Variants in DLC1 observed in about 807,000 individuals in gnomAD.
DLC1 encodes DLC1 Rho GTPase activating protein, also known as rho GTPase-activating protein 7.
A neutral mutation model predicts 140.3 loss-of-function variants in DLC1; 54 were observed. That is an observed-to-expected ratio of 0.38 (90% CI 0.31 to 0.48). The LOEUF (loss-of-function observed/expected upper bound fraction) is 0.48, where lower values mean the gene tolerates loss of function less well. DLC1 is among the 20% of genes least tolerant of loss of function. The pLI is 0.96. For synonymous variants in DLC1, 986 were observed against 728.1 expected (o/e 1.35, Z -5.70); for missense variants, 2,536 against 1,907.0 (o/e 1.33, Z -6.14).
intron 4 of DLC1, among the ~76,000 whole-genome samples, chr8:13,377,832 TG>T (rs1836069649): frequency 6.6e-6 from 1 of 152,006 alleles, no homozygotes; most frequent in South Asian, 2.1e-4. Context: ...GTAAATCTAT[TG>T]GCCTCCTATT....
chr8:13,304,612 G>C (rs749224685), intron 5 of DLC1: 49 of 857,648 alleles, frequency 5.7e-5, no homozygotes, highest in Admixed American at 6.2e-5. Flanking sequence ...TGTACTTCAA[G>C]TTAGATAATA....
At chr8:13,417,114 C>A (rs1361766847) in intron 2 of DLC1, among the ~76,000 whole-genome samples, 2 of 152,070 alleles carry the variant, frequency 1.3e-5, no homozygotes, top group African/African-American at 4.8e-5. Flanking sequence ...TTAAATAGAT[C>A]AAGCTGTACT....
At chr8:13,100,909 T>G (rs1027054813) in intron 8 of DLC1, 139 bp from the exon 9 acceptor site, 1 of 811,188 alleles carries the variant, frequency 1.2e-6, no homozygotes, top group Non-Finnish European at 1.7e-6. Context: ...TTAAAGTTTT[T>G]TTTTTTTTTT....
Position 13,120,350 on chromosome 8 carries a change from A to ATATAT in DLC1, c.1349-4694_1349-4693insATATA, listed in dbSNP as rs1164218408. On this transcript the variant is annotated intron_variant, in intron 5 of 17. Coordinates refer to ENST00000276297, the MANE Select transcript of DLC1 (RefSeq NM_182643.3). Reference sequence around the variant, plus strand: ...AGAAAGAGACTCCGTCGCAAAAAAAAAAAAAAATATATATATATATAAAAT... The same window carrying ATATAT: ...AGAAAGAGACTCCGTCGCAAAAAAAATATATAAAAAAATATATATATATATAAAAT... Among the ~76,000 whole-genome samples, 9 of 15,148 alleles carry ATATAT rather than the reference A, an allele frequency of 5.9e-4. No individual in the cohort carries two copies. The South Asian group carries it at 0.01, about 17-fold the overall frequency. 9.9% of individuals were successfully genotyped at this position (15,148 alleles called of 152,430 possible).
chr8:13,154,027 C>G (rs1304791525), intron 5 of DLC1, among the ~76,000 whole-genome samples: 3 of 152,026 alleles, frequency 2.0e-5, no homozygotes, highest in Non-Finnish European at 2.9e-5. Context: ...TCTCCAAGTC[C>G]CCACCAGATT....
At position 13,088,532 on chromosome 8, in the gene DLC1, T is replaced by C. The variant is rs1417690043; in HGVS notation, c.4247A>G (p.Gln1416Arg). 6.2e-7 allele frequency: 1 copy of C among 1,614,134 alleles called. No individual in the cohort carries two copies. The highest frequency in any genetic ancestry group is 8.5e-7 in the Non-Finnish European group (1 of 1,180,050). Residue 1416 changes from glutamine (Q) to arginine (R), a missense_variant, in exon 16 of 18, where the codon CAA becomes CGA. Coordinates refer to ENST00000276297, the MANE Select transcript of DLC1 (RefSeq NM_182643.3). ...DSQTEIYQYVQNSMAPHPARD... is the reference protein window; with the variant it reads ...DSQTEIYQYVRNSMAPHPARD... ...AGCAGGATGAGGTGCCATACTGTTT[T>C]GGACATACTGGTAAATTTCAGTTTG... is the stretch of plus-strand genomic sequence containing the variant.
chr8:13,310,520 G>A (rs919765008), intron 4 of DLC1, among the ~76,000 whole-genome samples: 1 of 152,184 alleles, frequency 6.6e-6, no homozygotes, highest in African/African-American at 2.4e-5. Flanking sequence ...GAGCACAAGA[G>A]CCCATTGTGG....
chr8:13,224,615 T>C (rs74541532), intron 5 of DLC1, among the ~76,000 whole-genome samples: 13,077 of 152,128 alleles, frequency 0.086, 713 homozygotes, highest in South Asian at 0.16. Flanking sequence ...AAAGGTGAAT[T>C]CTATTCTGGG....
chr8:13,364,897 G>A (rs1035391066), intron 4 of DLC1, among the ~76,000 whole-genome samples: 1 of 152,146 alleles, frequency 6.6e-6, no homozygotes, highest in Non-Finnish European at 1.5e-5. Context: ...ACTCATTTGA[G>A]TTTATTAAAA....
intron 5 of DLC1, among the ~76,000 whole-genome samples, chr8:13,123,353 T>C (rs1403146032): frequency 1.3e-5 from 2 of 148,866 alleles, no homozygotes; most frequent in African/African-American, 2.5e-5. Flanking sequence ...ACCTTTTTGG[T>C]TGTTGACAAG....
chr8:13,170,580 A>G lies in DLC1; in HGVS notation c.1349-54923T>C, dbSNP rs1427300818. On this transcript the variant is annotated intron_variant, in intron 5 of 17. Coordinates refer to ENST00000276297, the MANE Select transcript of DLC1 (RefSeq NM_182643.3). Reference sequence around the variant, plus strand: ...CCCGTCCCTACTAAAAATACAAAAAATTAGCTGGGCATGGTGGCGGGCACC... The same window carrying G: ...CCCGTCCCTACTAAAAATACAAAAAGTTAGCTGGGCATGGTGGCGGGCACC... Among the ~76,000 whole-genome samples the G allele has an allele frequency of 2.0e-5, 3 of 152,182 alleles. No homozygotes were observed. In the East Asian group the frequency reaches 5.8e-4, roughly 29 times the overall value.
intron 6 of DLC1, among the ~76,000 whole-genome samples, chr8:13,113,380 G>A (rs186368882): frequency 4.6e-5 from 7 of 152,302 alleles, no homozygotes; most frequent in Non-Finnish European, 8.8e-5. Context: ...AGAACAATAC[G>A]CAGTGTACCC....
intron 14 of DLC1, 73 bp from the exon 15 acceptor site, chr8:13,090,543 G>C (rs903954330): frequency 1.3e-6 from 2 of 1,542,386 alleles, no homozygotes; most frequent in Non-Finnish European, 1.8e-6. Flanking sequence ...CAGTGGAAAA[G>C]ACTGGGTAGG....
At chr8:13,553,552 A>G (rs1178556762) in intron 1 of DLC1, among the ~76,000 whole-genome samples, 1 of 151,824 alleles carries the variant, frequency 6.6e-6, no homozygotes, top group Admixed American at 6.6e-5. Context: ...GAGTCTCACT[A>G]TGTTGCTCAA....
chr8:13,310,793 C>G (rs1236494855), intron 4 of DLC1, among the ~76,000 whole-genome samples: 1 of 152,150 alleles, frequency 6.6e-6, no homozygotes, highest in Non-Finnish European at 1.5e-5. Flanking sequence ...CAAAGTAATT[C>G]TCTAGCTTTG....
At chr8:13,121,370 A>G (rs1017272465) in intron 5 of DLC1, among the ~76,000 whole-genome samples, 1 of 152,168 alleles carries the variant, frequency 6.6e-6, no homozygotes, top group African/African-American at 2.4e-5. Flanking sequence ...CCAATTTGGC[A>G]GGAATGTTGT....
intron 5 of DLC1, among the ~76,000 whole-genome samples, chr8:13,176,424 A>G (rs976198664): frequency 6.6e-6 from 1 of 152,152 alleles, no homozygotes; most frequent in Non-Finnish European, 1.5e-5. Context: ...TAAAAAATAC[A>G]AAAGATTAGC....
At chr8:13,328,854 G>T (rs1219642916) in intron 4 of DLC1, among the ~76,000 whole-genome samples, 1 of 152,184 alleles carries the variant, frequency 6.6e-6, no homozygotes, top group African/African-American at 2.4e-5. Flanking sequence ...GAGCTGGACA[G>T]TCAATAGGCT....
intron 5 of DLC1, among the ~76,000 whole-genome samples, chr8:13,217,480 TGG>T (rs1303613815): frequency 6.6e-6 from 1 of 152,162 alleles, no homozygotes; most frequent in Non-Finnish European, 1.5e-5. Context: ...CTAAATGCAT[TGG>T]CTTCCCCCAT....
Sources: gnomAD v4.1 joint callset for allele counts (sites outside exome capture counted in the v4.1 genomes callset) on GRCh38, gnomAD v4.1.1 for gene constraint, MANE v1.5 for transcripts, NCBI Gene and HGNC (gene_info 2026-07-23, HGNC 2026-07-21) for gene names.